Variants in PRKN observed in about 807,000 individuals in gnomAD.
PRKN encodes E3 ubiquitin-protein ligase parkin.
In PRKN, 56 loss-of-function variants were observed where a neutral mutation model predicts 59.5. That is an observed-to-expected ratio of 0.94 (90% confidence interval 0.76 to 1.18). The LOEUF (loss-of-function observed/expected upper bound fraction) is 1.18, where lower values mean the gene tolerates loss of function less well. PRKN is among the 50% of genes most tolerant of loss of function. PRKN has a pLI of 0.00. For synonymous variants in PRKN, 250 were observed against 222.1 expected (o/e 1.13, Z -1.12); for missense variants, 657 against 596.4 (o/e 1.10, Z -1.06).
intron 7 of PRKN, among the ~76,000 whole-genome samples, chr6:161,626,102 A>C (rs917989811): frequency 6.6e-6 from 1 of 152,136 alleles, no homozygotes; most frequent in African/African-American, 2.4e-5. Flanking sequence ...TTAAGATCCT[A>C]TATGTTCCTG....
At chr6:162,138,552 G>C (rs1383923742) in intron 4 of PRKN, among the ~76,000 whole-genome samples, 1 of 151,770 alleles carries the variant, frequency 6.6e-6, no homozygotes, top group Non-Finnish European at 1.5e-5. Flanking sequence ...ACAACCAGGA[G>C]AAAAATCAAT....
At chr6:161,972,955 G>T (rs545911125) in intron 6 of PRKN, among the ~76,000 whole-genome samples, 1 of 152,226 alleles carries the variant, frequency 6.6e-6, no homozygotes, top group South Asian at 2.1e-4. Flanking sequence ...ATTTTATTTT[G>T]GAACTTAATG....
intron 6 of PRKN, among the ~76,000 whole-genome samples, chr6:161,947,929 A>G (rs1779842047): frequency 7.4e-6 from 1 of 135,978 alleles, no homozygotes; most frequent in African/African-American, 2.5e-5. Context: ...CAGGCTGAGA[A>G]TATCTATTTT....
At chr6:161,441,310 A>G (rs1789208188) in intron 9 of PRKN, among the ~76,000 whole-genome samples, 1 of 152,166 alleles carries the variant, frequency 6.6e-6, no homozygotes, top group Admixed American at 6.5e-5. Flanking sequence ...ATCACAGTTC[A>G]CATACTTACT....
chr6:162,702,731 C>T (rs982228231), intron 1 of PRKN, among the ~76,000 whole-genome samples: 2 of 152,174 alleles, frequency 1.3e-5, no homozygotes, highest in African/African-American at 4.8e-5. Flanking sequence ...TATCCTACTT[C>T]TCAGGATTGA....
chr6:161,989,919 CTACCCATA>C (rs1781579664), intron 5 of PRKN, among the ~76,000 whole-genome samples: 1 of 152,180 alleles, frequency 6.6e-6, no homozygotes, highest in Non-Finnish European at 1.5e-5. Context: ...TGCTGGCCAT[CTACCCATA>C]TGCATCACCT....
In PRKN at chr6:161,407,190, CAA is replaced by C. The variant is rs1367328465; in HGVS notation, c.1084-20315_1084-20314del. 1.3e-5 allele frequency among the ~76,000 whole-genome samples: 2 copies of C among 151,950 alleles called. No homozygotes were observed. The highest frequency in any genetic ancestry group is 1.3e-4 in the Admixed American group (2 of 15,264). ...ACAGAGTCATAATCTACATGGAAAA[CAA>C]AAAGTCATACCAAAATTATAACTGC... On this transcript the variant is annotated intron_variant, in intron 9 of 11. Coordinates refer to ENST00000366898, the MANE Select transcript of PRKN (RefSeq NM_004562.3). The surrounding 1 kb of genome is among the most constrained non-coding windows in gnomAD (Gnocchi z 4.9).
chr6:162,258,422 G>A (rs1779744542), intron 3 of PRKN, among the ~76,000 whole-genome samples: 1 of 152,160 alleles, frequency 6.6e-6, no homozygotes, highest in Non-Finnish European at 1.5e-5. Context: ...CATCTGTCAG[G>A]AGATGATGAA....
chr6:162,290,552 AT>A (rs879343427), intron 2 of PRKN, among the ~76,000 whole-genome samples: 35 of 152,258 alleles, frequency 2.3e-4, no homozygotes, highest in Non-Finnish European at 4.4e-5. Flanking sequence ...TTTATGAGTA[AT>A]TTTTTATCAC....
In PRKN at chr6:161,429,345, T is replaced by C. The variant is rs1788541532; in HGVS notation, c.1084-42468A>G. On this transcript the variant is annotated intron_variant, in intron 9 of 11. Transcript: ENST00000366898. The surrounding 1 kb of genome is among the most constrained non-coding windows in gnomAD (Gnocchi z 4.2). ...CCCTCAGGGAGCTTATAGTCAGTCA[T>C]GGGCAAGTAAACAGGTCATTATAAC... Among the ~76,000 whole-genome samples, 1 of 152,150 alleles carries C rather than the reference T, an allele frequency of 6.6e-6. No individual in the cohort carries two copies. Among genetic ancestry groups the C allele is most frequent in the Non-Finnish European group, 1.5e-5 (1 of 68,030 alleles).
chr6:161,836,839 G>A (rs535390613), intron 6 of PRKN, among the ~76,000 whole-genome samples: 6 of 152,086 alleles, frequency 3.9e-5, no homozygotes, highest in Non-Finnish European at 8.8e-5. Flanking sequence ...CACTGCTCCC[G>A]AGCACAAGCC....
rs965221471 is a variant in PRKN, at chr6:162,686,089, TA to T, written c.7+41572del. ...TAGGGATGTGGTGGCTACAGCAACA[TA>T]AAAAAAAGTTAATTTTAAAATATTA... On this transcript the variant is annotated intron_variant, in intron 1 of 11. Coordinates refer to ENST00000366898, the MANE Select transcript of PRKN (RefSeq NM_004562.3). Among the ~76,000 whole-genome samples, 16 of 152,036 alleles carry T rather than the reference TA, an allele frequency of 1.1e-4. No homozygotes were observed. In the East Asian group the frequency reaches 1.4e-3, roughly 13 times the overall value.
intron 9 of PRKN, among the ~76,000 whole-genome samples, chr6:161,426,062 G>C (rs1562440239): frequency 2.0e-5 from 3 of 152,124 alleles, no homozygotes; most frequent in African/African-American, 4.8e-5. Flanking sequence ...AAGTGGTTAA[G>C]GGGGTGCCTG....
chr6:161,680,765 A>ATTTTT (rs1562604015), intron 7 of PRKN, among the ~76,000 whole-genome samples: 4 of 10,888 alleles, frequency 3.7e-4, no homozygotes, highest in African/African-American at 8.4e-4. Flanking sequence ...ATATATATAT[A>ATTTTT]TATATATATA....
chr6:161,476,014 G>A (rs1393556480), intron 9 of PRKN, among the ~76,000 whole-genome samples: 6 of 151,902 alleles, frequency 3.9e-5, no homozygotes, highest in African/African-American at 7.3e-5. Flanking sequence ...GTGAAAGCCT[G>A]TCTCTACTAA....
At chr6:162,439,699 A>C (rs9458553) in intron 2 of PRKN, among the ~76,000 whole-genome samples, 9 of 74,964 alleles carry the variant, frequency 1.2e-4, no homozygotes, top group African/African-American at 6.5e-4. Flanking sequence ...CTTCCTCTTT[A>C]GCCTACTCAA....
chr6:162,717,258 C>T (rs867161919), intron 1 of PRKN, among the ~76,000 whole-genome samples: 1 of 151,956 alleles, frequency 6.6e-6, no homozygotes, highest in Non-Finnish European at 1.5e-5. Context: ...GCTAGCCCAG[C>T]GAACACCTTG....
At position 162,149,889 on chromosome 6, in the gene PRKN, C is replaced by A. The variant is rs556769702; in HGVS notation, c.534+51242G>T. ...ACAGGGGGCCAGGATTCTAGAGGTGCAGCAGGATCCAAGTTTCCTGATAAA... is the reference window on the plus strand; with the variant it reads ...ACAGGGGGCCAGGATTCTAGAGGTGAAGCAGGATCCAAGTTTCCTGATAAA... On this transcript the variant is annotated intron_variant, in intron 4 of 11. Coordinates refer to ENST00000366898, the MANE Select transcript of PRKN (RefSeq NM_004562.3). 2.0e-5 allele frequency among the ~76,000 whole-genome samples: 3 copies of A among 152,276 alleles called. No individual in the cohort carries two copies. The South Asian group carries it at 6.2e-4, about 32-fold the overall frequency.
At chr6:162,535,287 G>A (rs1171791174) in intron 1 of PRKN, among the ~76,000 whole-genome samples, 3 of 152,050 alleles carry the variant, frequency 2.0e-5, no homozygotes, top group Non-Finnish European at 4.4e-5. Flanking sequence ...CATCTGCCCT[G>A]GTCCTGCCTT....
Sources: gnomAD v4.1 joint callset for allele counts (sites outside exome capture counted in the v4.1 genomes callset) on GRCh38, gnomAD v4.1.1 for gene constraint, Gnocchi (gnomAD v3.1) non-coding constraint, MANE v1.5 for transcripts, NCBI Gene and HGNC (gene_info 2026-07-23, HGNC 2026-07-21) for gene names.